The following SPMIP2 variants were observed in gnomAD, a reference collection of about 807,000 sequenced individuals.
SPMIP2 encodes protein SPMIP2.
chr4:159,004,977 A>G, the SPMIP2 span, among the ~76,000 whole-genome samples: 1 of 152,114 alleles, frequency 6.6e-6, no homozygotes, highest in Non-Finnish European at 1.5e-5. Context: ...TCACACCTGT[A>G]ATCCCAGCAC....
the SPMIP2 span, among the ~76,000 whole-genome samples, chr4:159,067,555 C>T: frequency 1.3e-5 from 2 of 152,082 alleles, no homozygotes; most frequent in African/African-American, 4.8e-5. Flanking sequence ...CTATAAATGA[C>T]AAACAAAAGT....
At chr4:158,938,178 T>G in the SPMIP2 span, among the ~76,000 whole-genome samples, 2 of 152,188 alleles carry the variant, frequency 1.3e-5, no homozygotes, top group African/African-American at 4.8e-5. Flanking sequence ...GAAGAAGTAT[T>G]TAAGAAAGCA....
At chr4:158,963,326 G>T in the SPMIP2 span, among the ~76,000 whole-genome samples, 2 of 152,008 alleles carry the variant, frequency 1.3e-5, no homozygotes, top group Non-Finnish European at 2.9e-5. Context: ...TTTTGAGACA[G>T]GGTCTCGCTC....
chr4:158,994,193 A>G, the SPMIP2 span, among the ~76,000 whole-genome samples: 1 of 152,218 alleles, frequency 6.6e-6, no homozygotes, highest in Non-Finnish European at 1.5e-5. Flanking sequence ...TTAATTCTTA[A>G]TGGCCAGCAC....
At chr4:158,977,325 G>T in the SPMIP2 span, among the ~76,000 whole-genome samples, 1 of 152,080 alleles carries the variant, frequency 6.6e-6, no homozygotes, top group African/African-American at 2.4e-5. Context: ...AGTTTGGGAG[G>T]GGGTATGTGT....
the SPMIP2 span, among the ~76,000 whole-genome samples, chr4:159,022,544 A>G: frequency 0.046 from 7,004 of 152,184 alleles, 492 homozygotes; most frequent in African/African-American, 0.16. Context: ...TGCCTGCATC[A>G]CAGTCTCCTG....
chr4:158,998,376 A>G, the SPMIP2 span, among the ~76,000 whole-genome samples: 1 of 152,166 alleles, frequency 6.6e-6, no homozygotes, highest in African/African-American at 2.4e-5. Flanking sequence ...AAGCTTCTCT[A>G]TTTATTAGAC....
At chr4:158,935,154 C>T in the SPMIP2 span, among the ~76,000 whole-genome samples, 1 of 152,192 alleles carries the variant, frequency 6.6e-6, no homozygotes, top group East Asian at 1.9e-4. Flanking sequence ...TGTGTTTTCG[C>T]CATACCAGAC....
At chr4:158,938,401 G>A in the SPMIP2 span, among the ~76,000 whole-genome samples, 1 of 152,156 alleles carries the variant, frequency 6.6e-6, no homozygotes, top group Admixed American at 6.5e-5. Context: ...CATATGCTTC[G>A]AACCTCAGGT....
the SPMIP2 span, among the ~76,000 whole-genome samples, chr4:158,919,133 C>T: frequency 6.6e-6 from 1 of 152,170 alleles, no homozygotes; most frequent in Admixed American, 6.5e-5. Flanking sequence ...GGATACCTGT[C>T]ATCCCCAAGT....
chr4:159,067,658 T>C, the SPMIP2 span, among the ~76,000 whole-genome samples: 1 of 152,032 alleles, frequency 6.6e-6, no homozygotes, highest in Admixed American at 6.6e-5. Context: ...AATTGACAAA[T>C]GGGATCTAAT....
At chr4:158,935,648 TAACAA>T in the SPMIP2 span, among the ~76,000 whole-genome samples, 1 of 152,234 alleles carries the variant, frequency 6.6e-6, no homozygotes, top group Non-Finnish European at 1.5e-5. Context: ...TGATTTTAAA[TAACAA>T]AACATATTTA....
chr4:158,977,037 G>T, the SPMIP2 span, among the ~76,000 whole-genome samples: 5 of 152,106 alleles, frequency 3.3e-5, no homozygotes, highest in African/African-American at 1.2e-4. Context: ...GTTCATCAGG[G>T]ATATTGGCCT....
At chr4:158,919,063 G>C in the SPMIP2 span, among the ~76,000 whole-genome samples, 1 of 152,044 alleles carries the variant, frequency 6.6e-6, no homozygotes, top group Non-Finnish European at 1.5e-5. Context: ...ATCTTTTCTC[G>C]AACCAGTTAA....
the SPMIP2 span, among the ~76,000 whole-genome samples, chr4:159,075,425 A>T: frequency 2.0e-5 from 3 of 152,218 alleles, no homozygotes; most frequent in Non-Finnish European, 4.4e-5. Context: ...ATTTTTTTCT[A>T]ACCATACTTT....
the SPMIP2 span, among the ~76,000 whole-genome samples, chr4:159,000,577 C>T: frequency 1.3e-5 from 2 of 151,436 alleles, no homozygotes; most frequent in South Asian, 4.2e-4. Context: ...TCACTGCAAC[C>T]TCTGCCTCCT....
chr4:158,946,724 G>C, the SPMIP2 span, among the ~76,000 whole-genome samples: 1 of 152,136 alleles, frequency 6.6e-6, no homozygotes, highest in African/African-American at 2.4e-5. Context: ...ACCAAAGACT[G>C]ACAGATATGC....
At chr4:159,074,999 C>T in the SPMIP2 span, among the ~76,000 whole-genome samples, 1 of 152,188 alleles carries the variant, frequency 6.6e-6, no homozygotes, top group Non-Finnish European at 1.5e-5. Flanking sequence ...CTTGCCCTCT[C>T]ACAGTGACCA....
the SPMIP2 span, among the ~76,000 whole-genome samples, chr4:159,080,914 G>C: frequency 3.9e-5 from 6 of 152,178 alleles, no homozygotes; most frequent in Non-Finnish European, 8.8e-5. Flanking sequence ...TAGTAGAGAC[G>C]GGTTTTCACC....
Sources: allele counts gnomAD v4.1 joint callset (sites outside exome capture counted in the v4.1 genomes callset), GRCh38; gene constraint gnomAD v4.1.1; transcripts MANE v1.5; gene names NCBI Gene and HGNC (gene_info 2026-07-23, HGNC 2026-07-21).